Variants in GRM7 observed in about 807,000 individuals in gnomAD.
GRM7 encodes metabotropic glutamate receptor 7.
A neutral mutation model predicts 84.5 loss-of-function variants in GRM7; 35 were observed. The observed-to-expected ratio is 0.41, with a 90% CI of 0.32 to 0.55. The LOEUF is 0.55. Among genes scored for constraint, GRM7 ranks in the 20% least tolerant of loss-of-function variants. The probability of loss-of-function intolerance (pLI) is 0.19; values close to 1 mark genes in which losing one functional copy is unlikely to be tolerated. For synonymous variants in GRM7, 487 were observed against 455.1 expected, an observed-to-expected ratio of 1.07 and a Z score of -0.89; for missense variants, 1,003 against 1,194.6, an observed-to-expected ratio of 0.84 and a Z score of 2.36.
intron 1 of GRM7, among the ~76,000 whole-genome samples, chr3:7,014,044 T>A (rs1388780129): frequency 6.6e-6 from 1 of 152,108 alleles, no homozygotes; most frequent in African/African-American, 2.4e-5. Context: ...GATTTTTTGG[T>A]GGGGGCAAGA....
chr3:7,378,901 A>G (rs963150701), intron 4 of GRM7, among the ~76,000 whole-genome samples: 2 of 152,136 alleles, frequency 1.3e-5, no homozygotes, highest in South Asian at 2.1e-4. Context: ...CAGCTTCTCC[A>G]AGAATCAACA....
chr3:7,412,724 A>T (rs1483633316), intron 4 of GRM7, among the ~76,000 whole-genome samples: 1 of 152,184 alleles, frequency 6.6e-6, no homozygotes, highest in Non-Finnish European at 1.5e-5. Context: ...GCACCTGGAG[A>T]TTAATTTTTG....
chr3:7,651,907 C>T lies in GRM7; in HGVS notation c.2452-28142C>T, dbSNP rs60435726. Reference sequence around the variant, plus strand: ...GCCAAGCCTAGCTGCACACATACAGCTCAAGCTCTCAGCCCCTGCCAAGGT... The same window carrying T: ...GCCAAGCCTAGCTGCACACATACAGTTCAAGCTCTCAGCCCCTGCCAAGGT... On this transcript the variant is annotated intron_variant, in intron 8 of 9. Transcript: ENST00000357716. 3.9e-5 allele frequency among the ~76,000 whole-genome samples: 6 copies of T among 152,318 alleles called. No individual in the cohort carries two copies. The East Asian group carries it at 1.2e-3, about 29-fold the overall frequency.
chr3:6,981,752 C>T (rs938975692), intron 1 of GRM7, among the ~76,000 whole-genome samples: 1 of 152,072 alleles, frequency 6.6e-6, no homozygotes, highest in African/African-American at 2.4e-5. Flanking sequence ...GAGATACCCT[C>T]TTATACCAGT....
chr3:6,933,736 T>TAA (rs371242200), intron 1 of GRM7, among the ~76,000 whole-genome samples: 20 of 140,464 alleles, frequency 1.4e-4, no homozygotes, highest in Admixed American at 2.2e-4. Context: ...AAAAGAAAAT[T>TAA]AAAAAAAAAA....
At chr3:7,711,425 A>C (rs1021923738) in intron 9 of GRM7, among the ~76,000 whole-genome samples, 6 of 152,312 alleles carry the variant, frequency 3.9e-5, no homozygotes, top group African/African-American at 1.4e-4. Context: ...AGCGAGCAGG[A>C]AAGTGGAACA....
At chr3:7,606,787 A>T (rs1360533319) in intron 8 of GRM7, 1 of 151,982 alleles carries the variant, frequency 6.6e-6, no homozygotes, top group East Asian at 1.9e-4. Context: ...ACCAGCCTTG[A>T]CCTCCCAAAG....
chr3:7,549,751 A>C (rs1287536369), intron 7 of GRM7, among the ~76,000 whole-genome samples: 1 of 152,258 alleles, frequency 6.6e-6, no homozygotes, highest in Non-Finnish European at 1.5e-5. Flanking sequence ...TGAGGCCAGA[A>C]GATTTTGAAA....
chr3:7,048,104 C>T (rs1696866852), intron 1 of GRM7, among the ~76,000 whole-genome samples: 1 of 151,890 alleles, frequency 6.6e-6, no homozygotes, highest in South Asian at 2.1e-4. Context: ...TAGAATATTA[C>T]AGTTCTCTAT....
chr3:6,935,853 G>A (rs1159443310), intron 1 of GRM7, among the ~76,000 whole-genome samples: 3 of 151,834 alleles, frequency 2.0e-5, no homozygotes, highest in Admixed American at 6.6e-5. Flanking sequence ...GTGCCAACAC[G>A]CACGGCTAAT....
intron 1 of GRM7, among the ~76,000 whole-genome samples, chr3:7,140,888 TG>T (rs1344465225): frequency 6.6e-6 from 1 of 152,040 alleles, no homozygotes; most frequent in Non-Finnish European, 1.5e-5. Flanking sequence ...AGGGAGACTT[TG>T]GGCCATATGA....
At chr3:7,691,391 A>G (rs1700795298) in intron 9 of GRM7, 1 of 517,728 alleles carries the variant, frequency 1.9e-6, no homozygotes, top group African/African-American at 2.0e-5. Context: ...CTGGTCAAGA[A>G]AAAGAAAAAC....
chr3:7,342,217 C>T (rs945782793), intron 4 of GRM7, among the ~76,000 whole-genome samples: 5 of 152,126 alleles, frequency 3.3e-5, no homozygotes, highest in African/African-American at 9.6e-5. Flanking sequence ...GACTCCATTG[C>T]ATTTTCAAGA....
intron 2 of GRM7, among the ~76,000 whole-genome samples, chr3:7,233,613 G>C (rs1350672021): frequency 6.6e-6 from 1 of 152,094 alleles, no homozygotes. Flanking sequence ...TACCAACTAT[G>C]AGTAACATAG....
At chr3:7,603,987 T>C (rs932361982) in intron 8 of GRM7, among the ~76,000 whole-genome samples, 3 of 152,196 alleles carry the variant, frequency 2.0e-5, no homozygotes, top group African/African-American at 7.2e-5. Context: ...TCAATTGGAC[T>C]TTCTAAATAT....
intron 7 of GRM7, among the ~76,000 whole-genome samples, chr3:7,515,865 A>T (rs573314950): frequency 6.6e-6 from 1 of 152,224 alleles, no homozygotes; most frequent in South Asian, 2.1e-4. Flanking sequence ...TGGTAAGGCC[A>T]AGCATGATGG....
chr3:7,256,423 G>A (rs2124948923), intron 2 of GRM7, among the ~76,000 whole-genome samples: 1 of 152,250 alleles, frequency 6.6e-6, no homozygotes, highest in East Asian at 1.9e-4. Context: ...ATTTAAAAAA[G>A]CAGCATAGCT....
In GRM7 at chr3:7,578,590, C is replaced by T. The variant is rs776604379; in HGVS notation, c.1684C>T (p.His562Tyr). Residue 562 changes from histidine (H) to tyrosine (Y), a missense_variant, in exon 8 of 10, where the codon CAT becomes TAT. Physicochemically the swap from His to Tyr is moderately conservative, Grantham distance 83. This residue lies in a region of GRM7 where 910 missense variants were observed against 1,126.0 expected (regional missense o/e 0.81). Coordinates refer to ENST00000357716, the MANE Select transcript of GRM7 (RefSeq NM_000844.4). ...QYQFDEMTCQ[H>Y]CPYDQRPNEN... The stretch of plus-strand genomic sequence containing the variant: ...CCAGTTTGATGAGATGACATGCCAG[C>T]ATTGCCCCTATGACCAGAGGCCCAA... 1 of 1,614,126 alleles carries T rather than the reference C, an allele frequency of 6.2e-7. No individual in the cohort carries two copies. Among genetic ancestry groups the T allele is most frequent in the Admixed American group, 1.7e-5 (1 of 60,018 alleles).
chr3:6,935,602 A>G (rs1175535613), intron 1 of GRM7, among the ~76,000 whole-genome samples: 2 of 151,550 alleles, frequency 1.3e-5, no homozygotes, highest in Non-Finnish European at 2.9e-5. Flanking sequence ...CTGGCATGAT[A>G]TTATGGTTTA....
Sources: gnomAD v4.1 joint callset for allele counts (sites outside exome capture counted in the v4.1 genomes callset) on GRCh38, gnomAD v4.1.1 for gene constraint, gnomAD v4.1.1 regional missense constraint, MANE v1.5 for transcripts, NCBI Gene and HGNC (gene_info 2026-07-23, HGNC 2026-07-21) for gene names.